Variants in ANKH observed in about 807,000 individuals in gnomAD.
ANKH encodes ANKH inorganic pyrophosphate transport regulator.
ANKH carries 15 observed loss-of-function variants against 49.0 expected under a neutral mutation model. The ratio of observed to expected loss-of-function variants is 0.31; its 90% CI spans 0.20 to 0.47. The LOEUF is 0.47. Among genes scored for constraint, ANKH ranks in the 20% least tolerant of loss-of-function variants. The pLI is 1.00. For missense variants in ANKH, 429 were observed against 652.0 expected (o/e 0.66, Z 3.72); for synonymous variants, 273 against 260.0 (o/e 1.05, Z -0.48).
At chr5:14,749,013 A>C (rs1054295334) in intron 6 of ANKH, among the ~76,000 whole-genome samples, 159 bp downstream of exon 6, 2 of 152,242 alleles carry the variant, frequency 1.3e-5, no homozygotes, top group Non-Finnish European at 1.5e-5. Flanking sequence ...CATGACTATA[A>C]GTCACCGAAC....
rs544461380 is a variant in ANKH at position 14,744,671 on chromosome 5, C to T, written c.915+1199G>A. ...GGTGATCACTCCAGGCTTGATCCTC[C>T]GTCTCCACCTCACACTTTCAGAGAT... On this transcript the variant is annotated intron_variant, in intron 7 of 11. Transcript: ENST00000284268. Among the ~76,000 whole-genome samples, 241 of 152,352 alleles carry T rather than the reference C, an allele frequency of 1.6e-3. 1 individual carries two copies. Among genetic ancestry groups the T allele is most frequent in the Middle Eastern group, 3.4e-3 (1 of 294 alleles).
Position 14,775,375 on chromosome 5 carries a change from G to A in ANKH, c.97-6184C>T, listed in dbSNP as rs186230272. ...AATTTATAAATTAGGCACAGTAAGA[G>A]TAACAACAATAACAATAAAATAGGA... On this transcript the variant is annotated intron_variant, in intron 1 of 11. Transcript: ENST00000284268. Among the ~76,000 whole-genome samples the A allele has an allele frequency of 1.4e-4, 21 of 152,184 alleles. No individual in the cohort carries two copies. In the East Asian group the frequency reaches 4.1e-3, roughly 29 times the overall value.
chr5:14,718,529 C>T lies in ANKH; in HGVS notation c.1012-1694G>A, dbSNP rs191964443. On this transcript the variant is annotated intron_variant, in intron 8 of 11. Coordinates refer to ENST00000284268, the MANE Select transcript of ANKH (RefSeq NM_054027.6). Reference sequence around the variant, plus strand: ...GAGAATGTTATAAAAAAGACATTCACGCCAGACGCTTTGGCTCATGGCTGT... The same window carrying T: ...GAGAATGTTATAAAAAAGACATTCATGCCAGACGCTTTGGCTCATGGCTGT... Among the ~76,000 whole-genome samples the T allele has an allele frequency of 4.6e-3, 699 of 152,260 alleles. 4 individuals carry two copies. Among genetic ancestry groups the T allele is most frequent in the African/African-American group, 0.016 (657 of 41,552 alleles).
At chr5:14,734,738 T>A (rs1738116263) in intron 8 of ANKH, among the ~76,000 whole-genome samples, 1 of 152,186 alleles carries the variant, frequency 6.6e-6, no homozygotes, top group Admixed American at 6.5e-5. Context: ...TCAAACTCAT[T>A]CAGGTGGTGG....
intron 1 of ANKH, among the ~76,000 whole-genome samples, chr5:14,817,999 G>A (rs192627395): frequency 7.2e-6 from 1 of 139,758 alleles, no homozygotes; most frequent in African/African-American, 2.7e-5. Context: ...GGGAGGTGGA[G>A]ATTGCAGTGA....
At chr5:14,808,599 G>A (rs1242636077) in intron 1 of ANKH, among the ~76,000 whole-genome samples, 7 of 152,202 alleles carry the variant, frequency 4.6e-5, no homozygotes, top group Non-Finnish European at 8.8e-5. Context: ...ACCCTGCCAC[G>A]CCATCAGAGA....
rs191334359 is a variant in ANKH at position 14,708,997 on chromosome 5, A to G, written c.*2200T>C. Reference sequence around the variant, plus strand: ...AACCTCTGCCTCCCAGGATCAAGCAAATTCTCCTGCCTCAGCCTCCTGAGT... The same window carrying G: ...AACCTCTGCCTCCCAGGATCAAGCAGATTCTCCTGCCTCAGCCTCCTGAGT... On this transcript the variant is annotated 3_prime_UTR_variant, in exon 12 of 12. Coordinates refer to ENST00000284268, the MANE Select transcript of ANKH (RefSeq NM_054027.6). The G allele has an allele frequency of 4.0e-4, 61 of 152,156 alleles. No individual in the cohort carries two copies. Among genetic ancestry groups the G allele is most frequent in the African/African-American group, 1.4e-3 (58 of 41,478 alleles). 9.4% of individuals were successfully genotyped at this position (152,156 alleles called of 1,614,324 possible). A position where few individuals can be genotyped will look rare whatever the true frequency, so the allele number is the denominator to read the frequency against.
chr5:14,790,470 A>G (rs188544923), intron 1 of ANKH, among the ~76,000 whole-genome samples: 1 of 152,398 alleles, frequency 6.6e-6, no homozygotes, highest in East Asian at 1.9e-4. Flanking sequence ...GTATTTGTTG[A>G]CATTGGCTGT....
intron 2 of ANKH, chr5:14,768,561 A>T (rs1431285659): frequency 4.0e-6 from 1 of 252,946 alleles, no homozygotes; most frequent in Non-Finnish European, 7.8e-6. Context: ...ATTAATAAAT[A>T]GAACAATCTG....
At chr5:14,807,998 G>A (rs1356580662) in intron 1 of ANKH, among the ~76,000 whole-genome samples, 1 of 152,126 alleles carries the variant, frequency 6.6e-6, no homozygotes, top group South Asian at 2.1e-4. Flanking sequence ...GTTATTGCTG[G>A]TCATTTATGA....
intron 8 of ANKH, among the ~76,000 whole-genome samples, chr5:14,731,621 G>A (rs1307788608): frequency 1.3e-5 from 2 of 152,184 alleles, no homozygotes; most frequent in African/African-American, 2.4e-5. Context: ...ACTGTGCAAG[G>A]TTCCCAGCAT....
intron 8 of ANKH, among the ~76,000 whole-genome samples, chr5:14,728,363 CT>C (rs2126441531): frequency 6.6e-6 from 1 of 152,350 alleles, no homozygotes; most frequent in Admixed American, 6.5e-5. Context: ...CCAAGATGCC[CT>C]AAGCTGCTAA....
At chr5:14,842,057 A>T (rs1741830176) in intron 1 of ANKH, among the ~76,000 whole-genome samples, 1 of 152,208 alleles carries the variant, frequency 6.6e-6, no homozygotes, top group Admixed American at 6.5e-5. Context: ...ACAAAAAGAT[A>T]AAAAAAGCTA....
At chr5:14,870,891 T>A (rs1293203612) in intron 1 of ANKH, 20 of 350,348 alleles carry the variant, frequency 5.7e-5, no homozygotes, top group Non-Finnish European at 1.1e-4. Flanking sequence ...AATCCTTACC[T>A]GGACTACGAA....
At chr5:14,732,874 C>G (rs1738047997) in intron 8 of ANKH, among the ~76,000 whole-genome samples, 1 of 152,174 alleles carries the variant, frequency 6.6e-6, no homozygotes, top group Non-Finnish European at 1.5e-5. Context: ...CCAGCTTGAC[C>G]TAAATCCCTC....
In ANKH at chr5:14,745,817, CAAG is replaced by C; in HGVS notation, c.915+50_915+52del. ...TCCCTCATCAGAGAGCCCTGTCTAT[CAAG>C]AAGTCATTTCAAAAGCATGTTTCAG... On this transcript the variant is annotated intron_variant, in intron 7 of 11. Transcript: ENST00000284268. The surrounding 1 kb of genome is among the most constrained non-coding windows in gnomAD (Gnocchi z 4.7). 6.6e-7 allele frequency: 1 copy of C among 1,525,322 alleles called. No homozygotes were observed. 94.5% of individuals were successfully genotyped at this position (1,525,322 alleles called of 1,614,324 possible).
In ANKH at chr5:14,709,122, G is replaced by A. The variant is rs1033189706; in HGVS notation, c.*2075C>T. 1.3e-5 allele frequency: 2 copies of A among 152,184 alleles called. No individual in the cohort carries two copies. The highest frequency in any genetic ancestry group is 2.4e-5 in the African/African-American group (1 of 41,420). The allele number at this position is 152,184 out of a possible 1,614,324, so 9.4% of individuals were successfully genotyped here. On this transcript the variant is annotated 3_prime_UTR_variant, in exon 12 of 12. Transcript: ENST00000284268. Reference sequence around the variant, plus strand: ...TTGGCCAGGCTGGTCTCAAACTCCTGACCTTAAGTGATCCACCCTCCTTGG... The same window carrying A: ...TTGGCCAGGCTGGTCTCAAACTCCTAACCTTAAGTGATCCACCCTCCTTGG...
chr5:14,798,188 G>A (rs1424560382), intron 1 of ANKH: 8 of 1,582,072 alleles, frequency 5.1e-6, no homozygotes, highest in Non-Finnish European at 6.9e-6. Flanking sequence ...CATCCGATGT[G>A]TGTGTCCCCA....
chr5:14,794,844 A>G (rs544833979), intron 1 of ANKH, among the ~76,000 whole-genome samples: 1 of 152,386 alleles, frequency 6.6e-6, no homozygotes, highest in East Asian at 1.9e-4. Context: ...TGCCCTTTGA[A>G]GAAATATATA....
Sources: allele counts gnomAD v4.1 joint callset (sites outside exome capture counted in the v4.1 genomes callset), GRCh38; gene constraint gnomAD v4.1.1; non-coding constraint Gnocchi (gnomAD v3.1); transcripts MANE v1.5; gene names NCBI Gene and HGNC (gene_info 2026-07-23, HGNC 2026-07-21).